CDK11B: variants seen among roughly 807,000 people sequenced by gnomAD.
The protein encoded by CDK11B is cyclin dependent kinase 11B.
In CDK11B, 37 loss-of-function variants were observed where a neutral mutation model predicts 84.0. The observed-to-expected ratio is 0.44, with a 90% CI of 0.34 to 0.58. CDK11B has a LOEUF of 0.58. Ranked by LOEUF, CDK11B falls within the 20% of genes least tolerant of loss-of-function variation. The probability of loss-of-function intolerance (pLI) is 0.02; values close to 1 mark genes in which losing one functional copy is unlikely to be tolerated. For synonymous variants in CDK11B, 269 were observed against 309.8 expected, an observed-to-expected ratio of 0.87 and a Z score of 1.38; for missense variants, 427 against 834.0, an observed-to-expected ratio of 0.51 and a Z score of 6.01.
chr1:1,658,203 G>C (rs1490463005), intron 1 of CDK11B, among the ~76,000 whole-genome samples: 2 of 150,082 alleles, frequency 1.3e-5, no homozygotes, highest in African/African-American at 5.0e-5. Context: ...TTGTAAGCCA[G>C]GCAAGGTGGC....
At chr1:1,636,649 C>A in intron 17 of CDK11B, 33 bp downstream of exon 17, 1 of 1,613,058 alleles carries the variant, frequency 6.2e-7, no homozygotes, top group South Asian at 1.1e-5. Flanking sequence ...CCTCCACAAC[C>A]CCACAGCGCA....
chr1:1,637,350 G>T, intron 14 of CDK11B, 58 bp downstream of exon 14: 1 of 1,589,440 alleles, frequency 6.3e-7, no homozygotes, highest in Non-Finnish European at 8.6e-7. Flanking sequence ...TCACCGCGGG[G>T]GTGACCAGGA....
chr1:1,649,780 T>G (rs1224435485), intron 4 of CDK11B, 143 bp from the exon 5 acceptor site: 4 of 685,282 alleles, frequency 5.8e-6, no homozygotes, highest in Non-Finnish European at 7.1e-6. Flanking sequence ...TTCAAGGCCA[T>G]CCTGGCCAAC....
At chr1:1,649,096 T>C (rs1641554340) in intron 5 of CDK11B, among the ~76,000 whole-genome samples, 1 of 152,008 alleles carries the variant, frequency 6.6e-6, no homozygotes, top group African/African-American at 2.4e-5. Flanking sequence ...CTGCACCAAA[T>C]GTGACTTCTT....
chr1:1,654,308 G>T (rs548057893), intron 3 of CDK11B: 9 of 370,844 alleles, frequency 2.4e-5, no homozygotes, highest in South Asian at 1.9e-4. Context: ...GTCTTGCTCT[G>T]TTACCCCAGT....
At position 1,644,956 on chromosome 1, in the gene CDK11B, G is replaced by A. The variant is rs1337257637; in HGVS notation, c.631+170C>T. Among the ~76,000 whole-genome samples, 4 of 144,866 alleles carry A rather than the reference G, an allele frequency of 2.8e-5. No homozygotes were observed. In the East Asian group the frequency reaches 5.8e-4, roughly 21 times the overall value. On this transcript the variant is annotated intron_variant, in intron 6 of 19. Transcript: ENST00000341832. ...TGCAGTGAGCCGAGATCGCGCCACC[G>A]CACTCCAGCCTGGGGGACAAGAGCA... is the stretch of plus-strand genomic sequence containing the variant.
At chr1:1,652,701 A>G in intron 3 of CDK11B, 135 bp from the exon 4 acceptor site, 1 of 648,618 alleles carries the variant, frequency 1.5e-6, no homozygotes, top group Non-Finnish European at 2.4e-6. Context: ...TTAAAAAATT[A>G]CATTAATTCT....
At chr1:1,640,855 G>A (rs1217060721) in intron 10 of CDK11B, among the ~76,000 whole-genome samples, 193 bp downstream of exon 10, 1 of 150,798 alleles carries the variant, frequency 6.6e-6, no homozygotes, top group South Asian at 2.1e-4. Context: ...TGGGCACTCA[G>A]GACGCCCTTG....
Position 1,637,487 on chromosome 1 carries a change from G to A in CDK11B, c.1491C>T (p.Asp497=), listed in dbSNP as rs757431996. The A allele has an allele frequency of 2.5e-6, 4 of 1,613,492 alleles. No individual in the cohort carries two copies. The highest frequency in any genetic ancestry group is 3.4e-6 in the Non-Finnish European group (4 of 1,179,642). The change falls in exon 14 of 20, where the codon GAC becomes GAT. Residue 497 remains aspartate, a synonymous_variant. Transcript: ENST00000341832. ...CATAGTTCATCACGATGTAGATCTT[G>A]TCCATGTTGCTGCCCACCACAATCT... ...VREIVVGSNM[D]KIYIVMNYVE...
intron 4 of CDK11B, among the ~76,000 whole-genome samples, chr1:1,650,367 T>C (rs1289549636): frequency 4.6e-5 from 6 of 129,434 alleles, no homozygotes; most frequent in African/African-American, 1.9e-4. Flanking sequence ...TTTTCTTTTT[T>C]TTCTTTTTTT....
chr1:1,657,338 C>T, intron 2 of CDK11B, 37 bp downstream of exon 2: 2 of 1,613,614 alleles, frequency 1.2e-6, no homozygotes, highest in East Asian at 2.2e-5. Context: ...ATTAAATCTC[C>T]TTTAAGAAAA....
chr1:1,637,237 T>A (rs372411532), intron 14 of CDK11B, 35 bp from the exon 15 acceptor site: 1 of 1,609,686 alleles, frequency 6.2e-7, no homozygotes, highest in South Asian at 1.1e-5. Context: ...TGGACCTGGC[T>A]GCCCCCAGCC....
intron 2 of CDK11B, among the ~76,000 whole-genome samples, chr1:1,655,798 G>C (rs1642669076): frequency 6.6e-6 from 1 of 151,972 alleles, no homozygotes; most frequent in South Asian, 2.1e-4. Context: ...GACCGGAACT[G>C]CTTGAACCCG....
chr1:1,657,142 T>A (rs1348227986), intron 2 of CDK11B: 1 of 1,349,956 alleles, frequency 7.4e-7, no homozygotes, highest in African/African-American at 1.5e-5. Flanking sequence ...TCAACGTATT[T>A]TATTCTCCAT....
At chr1:1,649,138 C>T (rs12749208) in intron 5 of CDK11B, among the ~76,000 whole-genome samples, 3 of 152,024 alleles carry the variant, frequency 2.0e-5, no homozygotes, top group Admixed American at 6.5e-5. Flanking sequence ...CTCGCTCTGT[C>T]GCCCAGGCTG....
In CDK11B at chr1:1,636,884, G is replaced by A. The variant is rs1407358172; in HGVS notation, c.1800+13C>T. 6 of 1,608,748 alleles carry A rather than the reference G, an allele frequency of 3.7e-6. No homozygotes were observed. The highest frequency in any genetic ancestry group is 1.3e-5 in the African/African-American group (1 of 74,922). On this transcript the variant is annotated intron_variant, in intron 16 of 19. Transcript: ENST00000341832. Reference sequence around the variant, plus strand: ...TGGGGGACAGGGGAGGCACTCAGACGCCCAGGACTCACCTTGGCACCAAGC... The same window carrying A: ...TGGGGGACAGGGGAGGCACTCAGACACCCAGGACTCACCTTGGCACCAAGC...
At chr1:1,637,027 G>GT in intron 15 of CDK11B, 23 bp from the exon 16 acceptor site, 2 of 1,613,136 alleles carry the variant, frequency 1.2e-6, no homozygotes, top group South Asian at 1.1e-5. Context: ...ATGGGCGGCT[G>GT]TGAGTGGGCC....
intron 4 of CDK11B, among the ~76,000 whole-genome samples, chr1:1,650,142 C>T (rs1371315457): frequency 8.1e-5 from 12 of 147,838 alleles, no homozygotes; most frequent in South Asian, 4.4e-4. Context: ...TGGTGGCGGG[C>T]ACCTGTAGTC....
At chr1:1,655,007 G>A (rs1570240412) in intron 3 of CDK11B, among the ~76,000 whole-genome samples, 1 of 152,070 alleles carries the variant, frequency 6.6e-6, no homozygotes, top group East Asian at 1.9e-4. Context: ...GACTGGTCTC[G>A]AACTCCTGAC....
Sources: gnomAD v4.1 joint callset for allele counts (sites outside exome capture counted in the v4.1 genomes callset) on GRCh38, gnomAD v4.1.1 for gene constraint, MANE v1.5 for transcripts, NCBI Gene and HGNC (gene_info 2026-07-23, HGNC 2026-07-21) for gene names.